Variants in PTPRN2 observed in about 807,000 individuals in gnomAD.
The protein encoded by PTPRN2 is receptor-type tyrosine-protein phosphatase N2.
A neutral mutation model predicts 118.8 loss-of-function variants in PTPRN2; 74 were observed. That is an observed-to-expected ratio of 0.62 (90% CI 0.52 to 0.76). The LOEUF (loss-of-function observed/expected upper bound fraction) is 0.76. Ranked by LOEUF, PTPRN2 falls within the 30% of genes least tolerant of loss-of-function variation. PTPRN2 has a pLI of 0.00. For missense variants in PTPRN2, 1,481 were observed against 1,394.4 expected, an observed-to-expected ratio of 1.06 and a Z score of -0.99; for synonymous variants, 641 against 608.0, an observed-to-expected ratio of 1.05 and a Z score of -0.80.
chr7:157,626,205 C>A (rs1442815102), intron 14 of PTPRN2, among the ~76,000 whole-genome samples: 2 of 152,146 alleles, frequency 1.3e-5, no homozygotes, highest in African/African-American at 4.8e-5. Context: ...GATCTTCTTA[C>A]CATCGCTTCC....
At chr7:158,279,752 G>C (rs1170974059) in intron 3 of PTPRN2, among the ~76,000 whole-genome samples, 2 of 152,118 alleles carry the variant, frequency 1.3e-5, no homozygotes, top group Non-Finnish European at 2.9e-5. Context: ...AGCCGGCTCC[G>C]GCCTCAGCAA....
chr7:157,621,452 G>GCGCTTCC lies in PTPRN2; in HGVS notation c.2247_2253dup (p.Leu752GlyfsTer34). On this transcript the variant is annotated frameshift_variant, in exon 15 of 23. Transcript: ENST00000389418. LOFTEE classifies it high-confidence loss of function. ...TTGGGCTCCGCCTGGTAGGCGCACA[G>GCGCTTCC]CGCTTCCCACTCCTTCTCCAGCCGG... 6.2e-7 allele frequency: 1 copy of GCGCTTCC among 1,613,980 alleles called. No homozygotes were observed. The highest frequency in any genetic ancestry group is 8.5e-7 in the Non-Finnish European group (1 of 1,180,044).
rs560636340 is a variant in PTPRN2, at chr7:157,577,806, G to T, written c.2616+215C>A. The stretch of plus-strand genomic sequence containing the variant: ...CCACACGGGCATGCGGCCCTCGGGG[G>T]TGACTCAGCCTCCGTCCCCTGAACA... On this transcript the variant is annotated intron_variant, in intron 18 of 22. Transcript: ENST00000389418. Among the ~76,000 whole-genome samples, 22 of 152,274 alleles carry T rather than the reference G, an allele frequency of 1.4e-4. 1 individual carries two copies. In the South Asian group the frequency reaches 4.3e-3, roughly 30 times the overall value.
At chr7:158,337,286 C>T (rs191170967) in intron 2 of PTPRN2, among the ~76,000 whole-genome samples, 154 of 144,464 alleles carry the variant, frequency 1.1e-3, no homozygotes, top group African/African-American at 4.0e-3. Context: ...CTCACACTCT[C>T]ACCATAAGAG....
rs2151309597 is a variant in PTPRN2 at position 157,893,662 on chromosome 7, G to T, written c.1788+5011C>A. On this transcript the variant is annotated intron_variant, in intron 12 of 22. Transcript: ENST00000389418. The surrounding 1 kb of genome is among the most constrained non-coding windows in gnomAD (Gnocchi z 4.0). The stretch of plus-strand genomic sequence containing the variant: ...ACTTTAAGTGTGAGGCTCCTCTACA[G>T]ATCTCCCAGGAGAGAAAAGGAGGAC... 6.6e-6 allele frequency among the ~76,000 whole-genome samples: 1 copy of T among 152,316 alleles called. No homozygotes were observed.
intron 9 of PTPRN2, among the ~76,000 whole-genome samples, chr7:158,126,889 G>A (rs1056723349): frequency 3.9e-5 from 6 of 152,152 alleles, no homozygotes; most frequent in African/African-American, 7.2e-5. Context: ...CTCCCTGGCC[G>A]GCGGATCCCT....
chr7:158,498,224 C>G (rs1345127145), intron 1 of PTPRN2, among the ~76,000 whole-genome samples: 1 of 152,228 alleles, frequency 6.6e-6, no homozygotes, highest in Non-Finnish European at 1.5e-5. Flanking sequence ...CCAGCTCACT[C>G]CACCCTGGAA....
intron 4 of PTPRN2, among the ~76,000 whole-genome samples, chr7:158,202,382 C>T (rs892267607): frequency 2.6e-5 from 4 of 152,032 alleles, no homozygotes; most frequent in Admixed American, 1.3e-4. Context: ...AGGAAGGCAC[C>T]GGCAGGACTG....
chr7:158,418,394 TCA>T (rs1391919893), intron 2 of PTPRN2, among the ~76,000 whole-genome samples: 1 of 149,818 alleles, frequency 6.7e-6, no homozygotes, highest in African/African-American at 2.5e-5. Flanking sequence ...GCTCTAGCTC[TCA>T]GTGTCCCACT....
intron 3 of PTPRN2, among the ~76,000 whole-genome samples, chr7:158,260,153 G>A (rs1797302924): frequency 6.6e-6 from 1 of 152,202 alleles, no homozygotes; most frequent in Admixed American, 6.5e-5. Flanking sequence ...GATGCCTGCT[G>A]TCTCTCTGTG....
At chr7:158,077,915 G>A (rs112720610) in intron 11 of PTPRN2, among the ~76,000 whole-genome samples, 10 of 152,150 alleles carry the variant, frequency 6.6e-5, no homozygotes, top group African/African-American at 1.7e-4. Context: ...ACTGAGCCAC[G>A]GAGATTAAAC....
At chr7:157,709,596 C>T (rs372800900) in intron 12 of PTPRN2, among the ~76,000 whole-genome samples, 20 of 152,190 alleles carry the variant, frequency 1.3e-4, no homozygotes, top group Admixed American at 2.0e-4. Context: ...ATGGGGACTT[C>T]GACCTCGCTC....
intron 21 of PTPRN2, among the ~76,000 whole-genome samples, chr7:157,556,387 AAC>A (rs370250111): frequency 1.4e-3 from 216 of 149,664 alleles, no homozygotes; most frequent in African/African-American, 5.2e-3. Context: ...CACACCACAC[AAC>A]ACTCACCCAC....
intron 3 of PTPRN2, among the ~76,000 whole-genome samples, chr7:158,230,937 A>G (rs776054698): frequency 4.1e-4 from 63 of 152,360 alleles, no homozygotes; most frequent in Middle Eastern, 3.4e-3. Context: ...AACCAGCCAT[A>G]TCTATAAAGA....
At chr7:157,847,364 T>G in intron 12 of PTPRN2, among the ~76,000 whole-genome samples, 1 of 149,682 alleles carries the variant, frequency 6.7e-6, no homozygotes, top group African/African-American at 2.5e-5. Context: ...GCCCGATGTT[T>G]ACAGAGCCCT....
intron 9 of PTPRN2, among the ~76,000 whole-genome samples, chr7:158,125,407 G>A (rs1187840426): frequency 2.0e-5 from 3 of 151,552 alleles, no homozygotes; most frequent in Non-Finnish European, 4.4e-5. Flanking sequence ...TCCCACGGCC[G>A]CTCCCAGCAG....
intron 13 of PTPRN2, among the ~76,000 whole-genome samples, chr7:157,680,020 A>G (rs1272186637): frequency 2.6e-5 from 4 of 152,182 alleles, no homozygotes; most frequent in African/African-American, 7.2e-5. Context: ...GTAAGAACAC[A>G]AGTTCTTTTG....
At chr7:158,519,480 G>A (rs554929165) in intron 1 of PTPRN2, among the ~76,000 whole-genome samples, 2 of 152,164 alleles carry the variant, frequency 1.3e-5, no homozygotes, top group Non-Finnish European at 2.9e-5. Context: ...CTCAGGGCAT[G>A]GGGGACCAAG....
chr7:157,679,710 C>T (rs554453780), intron 13 of PTPRN2, among the ~76,000 whole-genome samples: 116 of 150,318 alleles, frequency 7.7e-4, no homozygotes, highest in African/African-American at 2.4e-3. Context: ...ACACAGGGGT[C>T]GGGGCTGGGG....
Sources: gnomAD v4.1 joint callset for allele counts (sites outside exome capture counted in the v4.1 genomes callset) on GRCh38, gnomAD v4.1.1 for gene constraint, Gnocchi (gnomAD v3.1) non-coding constraint, MANE v1.5 for transcripts, NCBI Gene and HGNC (gene_info 2026-07-23, HGNC 2026-07-21) for gene names.